HECTD4: variants seen among roughly 807,000 people sequenced by gnomAD.
The protein encoded by HECTD4 is probable E3 ubiquitin-protein ligase HECTD4.
HECTD4 carries 114 observed loss-of-function variants against 471.5 expected under a neutral mutation model. The observed-to-expected ratio is 0.24, with a 90% CI of 0.21 to 0.28. HECTD4 has a LOEUF of 0.28. HECTD4 is among the 10% of genes least tolerant of loss of function. The pLI is 1.00. For synonymous variants in HECTD4, 2,012 were observed against 2,256.0 expected (o/e 0.89, Z 3.07); for missense variants, 3,866 against 5,651.5 (o/e 0.68, Z 10.13).
chr12:112,313,051 C>T lies in HECTD4; in HGVS notation c.882G>A (p.Pro294=), dbSNP rs765155429. The T allele has an allele frequency of 2.9e-5, 45 of 1,535,546 alleles. No homozygotes were observed. Among genetic ancestry groups the T allele is most frequent in the Admixed American group, 5.9e-5 (3 of 50,958 alleles). ...SWGYEDMLPA[P]DSNTGSSSEN... ...CAGAACTGGAGCCAGTGTTGCTATC[C>T]GGCGCAGGCAACATGTCTTCATAAC... The change falls in exon 4 of 76, where the codon CCG becomes CCA. Residue 294 remains proline, a synonymous_variant. Coordinates refer to ENST00000682272, the MANE Select transcript of HECTD4 (RefSeq NM_001388303.1).
chr12:112,348,256 T>G (rs1188459201), intron 1 of HECTD4, among the ~76,000 whole-genome samples: 1 of 152,178 alleles, frequency 6.6e-6, no homozygotes, highest in African/African-American at 2.4e-5. Context: ...TGGGTAACCC[T>G]AGCATCTTTC....
intron 44 of HECTD4, among the ~76,000 whole-genome samples, chr12:112,224,147 G>GCTAATT (rs2033168176): frequency 6.6e-6 from 1 of 152,088 alleles, no homozygotes; most frequent in South Asian, 2.1e-4. Flanking sequence ...AAAGTAACCC[G>GCTAATT]GAATGTAGGT....
intron 1 of HECTD4, among the ~76,000 whole-genome samples, chr12:112,350,203 C>T (rs2036226437): frequency 6.6e-6 from 1 of 152,132 alleles, no homozygotes; most frequent in Non-Finnish European, 1.5e-5. Flanking sequence ...CGTGCCTTGG[C>T]CTCCCAAAGT....
intron 7 of HECTD4, among the ~76,000 whole-genome samples, chr12:112,291,629 T>G (rs1411618469): frequency 3.9e-5 from 6 of 151,994 alleles, no homozygotes; most frequent in African/African-American, 1.5e-4. Context: ...TCCCAGCACT[T>G]TGGGAGGCCG....
At chr12:112,343,152 G>A (rs2036082309) in intron 1 of HECTD4, among the ~76,000 whole-genome samples, 1 of 152,080 alleles carries the variant, frequency 6.6e-6, no homozygotes, top group South Asian at 2.1e-4. Context: ...GAAATCTGCT[G>A]TACCAAATAT....
chr12:112,163,497 TG>T lies in HECTD4; in HGVS notation c.12897+44del. 2 of 1,427,550 alleles carry T rather than the reference TG, an allele frequency of 1.4e-6. No homozygotes were observed. Among genetic ancestry groups the T allele is most frequent in the Admixed American group, 2.8e-5 (1 of 35,628 alleles). 88.4% of individuals were successfully genotyped at this position (1,427,550 alleles called of 1,614,324 possible). ...GTTGAGGGTGACAGGGAGGCACGCC[TG>T]GGGCTCACCACCTCCCCGCCCAGCC... is the stretch of plus-strand genomic sequence containing the variant. On this transcript the variant is annotated intron_variant, in intron 74 of 75. Transcript: ENST00000682272. This position sits in a 1 kb window ranked among gnomAD's most constrained non-coding sequence, Gnocchi z 8.2.
rs181582263 is a variant in HECTD4, at chr12:112,313,013, T to C, written c.916+4A>G. ...TAATCACAGGACAAAAACTTTTACA[T>C]TACCTTTATTTTCAGAACTGGAGCC... On this transcript the variant is annotated splice_donor_region_variant and intron_variant, in intron 4 of 75. Coordinates refer to ENST00000682272, the MANE Select transcript of HECTD4 (RefSeq NM_001388303.1). 3.1e-3 allele frequency: 4,799 copies of C among 1,534,788 alleles called. 18 individuals carry two copies. Among genetic ancestry groups the C allele is most frequent in the Non-Finnish European group, 3.5e-3 (4,065 of 1,146,378 alleles).
At chr12:112,281,356 C>T (rs752329710) in intron 8 of HECTD4, among the ~76,000 whole-genome samples, 2 of 151,914 alleles carry the variant, frequency 1.3e-5, no homozygotes, top group Admixed American at 6.6e-5. Flanking sequence ...GCTGCCAAAG[C>T]GTGCACATTT....
At chr12:112,174,145 T>G (rs2031346338) in intron 66 of HECTD4, among the ~76,000 whole-genome samples, 1 of 150,284 alleles carries the variant, frequency 6.7e-6, no homozygotes, top group Non-Finnish European at 1.5e-5. Context: ...GCTCGGCTAA[T>G]TTTTGTAGAG....
intron 13 of HECTD4, among the ~76,000 whole-genome samples, chr12:112,269,438 T>C (rs540397485): frequency 1.3e-5 from 2 of 152,138 alleles, no homozygotes; most frequent in Non-Finnish European, 2.9e-5. Context: ...ACAATCAAAA[T>C]ATCCACTTAA....
intron 70 of HECTD4, 57 bp from the exon 71 acceptor site, chr12:112,167,974 G>A (rs559275816): frequency 2.3e-5 from 31 of 1,320,000 alleles, no homozygotes; most frequent in Admixed American, 1.0e-4. Flanking sequence ...AGGCGACACC[G>A]TTCCCTCCCT....
chr12:112,308,691 T>C, intron 6 of HECTD4, 62 bp downstream of exon 6: 1 of 1,388,642 alleles, frequency 7.2e-7, no homozygotes, highest in South Asian at 1.3e-5. Flanking sequence ...CTTCTGATGA[T>C]ATAGGAACTT....
chr12:112,282,191 G>C (rs1294570470), intron 8 of HECTD4, among the ~76,000 whole-genome samples: 2 of 152,130 alleles, frequency 1.3e-5, no homozygotes, highest in African/African-American at 2.4e-5. Context: ...AGACCATCCT[G>C]GCTAACACGG....
chr12:112,166,128 G>GTGC lies in HECTD4; in HGVS notation c.12534+1186_12534+1188dup, dbSNP rs1458551639. The GTGC allele has an allele frequency of 6.6e-6, 1 of 152,578 alleles. No homozygotes were observed. Among genetic ancestry groups the GTGC allele is most frequent in the African/African-American group, 2.4e-5 (1 of 41,464 alleles). The allele number at this position is 152,578 out of a possible 1,614,324, so 9.5% of individuals were successfully genotyped here. A position where few individuals can be genotyped will look rare whatever the true frequency, so the allele number is the denominator to read the frequency against. Reference sequence around the variant, plus strand: ...CTCACATCCCCTGCTGCCCCAGCCTGTGCTGCACCCAGAGCCCCAGGAGGA... The same window carrying GTGC: ...CTCACATCCCCTGCTGCCCCAGCCTGTGCTGCTGCACCCAGAGCCCCAGGAGGA... On this transcript the variant is annotated intron_variant, in intron 72 of 75. Transcript: ENST00000682272. This position sits in a 1 kb window ranked among gnomAD's most constrained non-coding sequence, Gnocchi z 4.6.
intron 1 of HECTD4, among the ~76,000 whole-genome samples, chr12:112,337,829 G>A (rs1216855571): frequency 1.3e-5 from 2 of 152,096 alleles, no homozygotes; most frequent in Middle Eastern, 3.2e-3. Context: ...GAATTGCTTA[G>A]TAAAAATCTC....
intron 9 of HECTD4, among the ~76,000 whole-genome samples, chr12:112,278,145 T>C (rs1401443916): frequency 2.0e-5 from 3 of 152,126 alleles, no homozygotes; most frequent in Non-Finnish European, 4.4e-5. Context: ...ACATGAAAAG[T>C]AGAGTATAGG....
chr12:112,222,320 G>C (rs945252773), intron 44 of HECTD4, among the ~76,000 whole-genome samples: 3 of 152,144 alleles, frequency 2.0e-5, no homozygotes, highest in Non-Finnish European at 2.9e-5. Context: ...GCCTCTCAAA[G>C]TGCTGAAATT....
At chr12:112,336,272 T>C (rs754174444) in intron 1 of HECTD4, among the ~76,000 whole-genome samples, 10 of 152,004 alleles carry the variant, frequency 6.6e-5, no homozygotes, top group Non-Finnish European at 1.3e-4. Flanking sequence ...GCCTGTAATC[T>C]CAGCACTTTG....
intron 29 of HECTD4, among the ~76,000 whole-genome samples, chr12:112,244,267 A>G (rs1238434125): frequency 6.6e-6 from 1 of 152,248 alleles, no homozygotes; most frequent in Non-Finnish European, 1.5e-5. Flanking sequence ...AAATTCATTG[A>G]ATTTCATAGC....
Sources: allele counts gnomAD v4.1 joint callset (sites outside exome capture counted in the v4.1 genomes callset), GRCh38; gene constraint gnomAD v4.1.1; non-coding constraint Gnocchi (gnomAD v3.1); transcripts MANE v1.5; gene names NCBI Gene and HGNC (gene_info 2026-07-23, HGNC 2026-07-21).